CD276: variants seen among roughly 807,000 people sequenced by gnomAD.
CD276 encodes the protein CD276 molecule.
In CD276, 34 loss-of-function variants were observed where a neutral mutation model predicts 50.0. That is an observed-to-expected ratio of 0.68 (90% CI 0.52 to 0.91). The LOEUF (loss-of-function observed/expected upper bound fraction) is 0.91, where lower values mean the gene tolerates loss of function less well. CD276 is among the 40% of genes least tolerant of loss of function. The pLI, the probability that CD276 is intolerant of heterozygous loss-of-function variation, is 0.00. For missense variants in CD276, 634 were observed against 717.5 expected (o/e 0.88, Z 1.33); for synonymous variants, 275 against 313.0 (o/e 0.88, Z 1.28).
At position 73,709,664 on chromosome 15, in the gene CD276, T is replaced by C; in HGVS notation, c.1521T>C (p.Asp507=). ...EEENAGAEDQ[D]GEGEGSKTAL... ...CCTTTGCAGGAGCTGAGGACCAGGA[T>C]GGGGAGGGAGAAGGCTCCAAGACAG... The change falls in exon 8 of 10, where the codon GAT becomes GAC. Residue 507 remains aspartate (D), a synonymous_variant. Transcript: ENST00000318443. 6.2e-7 allele frequency: 1 copy of C among 1,612,970 alleles called. No individual in the cohort carries two copies. The highest frequency in any genetic ancestry group is 8.5e-7 in the Non-Finnish European group (1 of 1,179,662).
At chr15:73,691,354 AT>A (rs1252853736) in intron 1 of CD276, among the ~76,000 whole-genome samples, 1 of 151,996 alleles carries the variant, frequency 6.6e-6, no homozygotes, top group Non-Finnish European at 1.5e-5. Context: ...GCCTCTGTTC[AT>A]TTGTTTGGAT....
intron 8 of CD276, among the ~76,000 whole-genome samples, chr15:73,710,564 G>A (rs370120436): frequency 2.6e-5 from 4 of 152,348 alleles, no homozygotes; most frequent in South Asian, 2.1e-4. Flanking sequence ...CCCCACCCCC[G>A]CAGAAGGAAG....
chr15:73,699,634 A>G lies in CD276; in HGVS notation c.-6A>G, dbSNP rs1253236351. On this transcript the variant is annotated 5_prime_UTR_variant, in exon 2 of 10. Coordinates refer to ENST00000318443, the MANE Select transcript of CD276 (RefSeq NM_001024736.2). Reference sequence around the variant, plus strand: ...GGAGCCCAGCTGTCAGCCGCCTCACAGGAAGATGCTGCGTCGGCGGGGCAG... The same window carrying G: ...GGAGCCCAGCTGTCAGCCGCCTCACGGGAAGATGCTGCGTCGGCGGGGCAG... 4 of 1,613,622 alleles carry G rather than the reference A, an allele frequency of 2.5e-6. No individual in the cohort carries two copies. In the African/African-American group the frequency reaches 5.3e-5, roughly 22 times the overall value.
In CD276 at chr15:73,704,041, A is replaced by G. The variant is rs756829950; in HGVS notation, c.1072+44A>G. On this transcript the variant is annotated intron_variant, in intron 5 of 9. Coordinates refer to ENST00000318443, the MANE Select transcript of CD276 (RefSeq NM_001024736.2). The surrounding 1 kb of genome is among the most constrained non-coding windows in gnomAD (Gnocchi z 4.1). Reference sequence around the variant, plus strand: ...ACGCCTTCCCCTTGGTTCACCCTCCATTCCCTCTGCAGCCCACCCTCTGCT... The same window carrying G: ...ACGCCTTCCCCTTGGTTCACCCTCCGTTCCCTCTGCAGCCCACCCTCTGCT... 2 of 1,583,836 alleles carry G rather than the reference A, an allele frequency of 1.3e-6. No homozygotes were observed. The highest frequency in any genetic ancestry group is 2.3e-5 in the South Asian group (2 of 85,742).
chr15:73,687,616 G>A lies in CD276; in HGVS notation c.-55+3156G>A, dbSNP rs1324585990. 6.6e-6 allele frequency among the ~76,000 whole-genome samples: 1 copy of A among 152,176 alleles called. No homozygotes were observed. The highest frequency in any genetic ancestry group is 1.5e-5 in the Non-Finnish European group (1 of 68,038). On this transcript the variant is annotated intron_variant, in intron 1 of 9. Transcript: ENST00000318443. The surrounding 1 kb of genome is among the most constrained non-coding windows in gnomAD (Gnocchi z 4.0). ...TTGCTGAGAGTTCTTCTCTTCCAGA[G>A]CCCTGGACTTTATCATGCTGGGGCT...
At chr15:73,689,057 G>A (rs1446076777) in intron 1 of CD276, among the ~76,000 whole-genome samples, 1 of 152,072 alleles carries the variant, frequency 6.6e-6, no homozygotes, top group African/African-American at 2.4e-5. Flanking sequence ...CGAAATCTGC[G>A]CTCTGATGTG....
Position 73,704,991 on chromosome 15 carries a change from C to T in CD276, c.1369+519C>T, listed in dbSNP as rs1251409999. On this transcript the variant is annotated intron_variant, in intron 6 of 9. Transcript: ENST00000318443. This position sits in a 1 kb window ranked among gnomAD's most constrained non-coding sequence, Gnocchi z 4.1. ...ATGGGCAGGGGCTGTCTCTGCTGCC[C>T]CCGTGTGGTCAAACACCAGATAGAG... 1.3e-5 allele frequency among the ~76,000 whole-genome samples: 2 copies of T among 152,218 alleles called. No individual in the cohort carries two copies. Among genetic ancestry groups the T allele is most frequent in the African/African-American group, 4.8e-5 (2 of 41,448 alleles).
chr15:73,696,855 C>T (rs1900198389), intron 1 of CD276, among the ~76,000 whole-genome samples: 1 of 152,018 alleles, frequency 6.6e-6, no homozygotes, highest in Admixed American at 6.5e-5. Flanking sequence ...AGAGAAGGCA[C>T]CTTAGAGAAT....
chr15:73,693,809 C>T (rs1013760904), intron 1 of CD276, among the ~76,000 whole-genome samples: 4 of 148,890 alleles, frequency 2.7e-5, no homozygotes, highest in Non-Finnish European at 5.9e-5. Flanking sequence ...AGCTTCTCAC[C>T]GATGAACGCT....
chr15:73,708,548 A>ATT, intron 7 of CD276, 75 bp downstream of exon 7: 1 of 1,500,438 alleles, frequency 6.7e-7, no homozygotes, highest in Non-Finnish European at 9.0e-7. Context: ...CTTTGATGTC[A>ATT]ATAGAGTGTC....
chr15:73,696,280 G>C (rs1386699022), intron 1 of CD276, among the ~76,000 whole-genome samples: 1 of 152,096 alleles, frequency 6.6e-6, no homozygotes, highest in African/African-American at 2.4e-5. Flanking sequence ...CATGGGTGGA[G>C]GGGGTGGTAC....
In CD276 at chr15:73,698,897, G is replaced by C. The variant is rs1461167445; in HGVS notation, c.-54-689G>C. 3.3e-5 allele frequency among the ~76,000 whole-genome samples: 5 copies of C among 152,168 alleles called. No individual in the cohort carries two copies. The East Asian group carries it at 7.7e-4, about 23-fold the overall frequency. On this transcript the variant is annotated intron_variant, in intron 1 of 9. Transcript: ENST00000318443. ...TCTTAACTGGCCTCTCCCTTGCCCT[G>C]ATACAATCCAGTCTATGCTGAGGAG... is the stretch of plus-strand genomic sequence containing the variant.
In CD276 at chr15:73,704,059, C is replaced by A; in HGVS notation, c.1072+62C>A. ...ACCCTCCATTCCCTCTGCAGCCCACCCTCTGCTGCACCACTGCTCCCAGAA... is the reference window on the plus strand; with the variant it reads ...ACCCTCCATTCCCTCTGCAGCCCACACTCTGCTGCACCACTGCTCCCAGAA... On this transcript the variant is annotated intron_variant, in intron 5 of 9. Coordinates refer to ENST00000318443, the MANE Select transcript of CD276 (RefSeq NM_001024736.2). This position sits in a 1 kb window ranked among gnomAD's most constrained non-coding sequence, Gnocchi z 4.1. The A allele has an allele frequency of 6.4e-7, 1 of 1,568,376 alleles. No homozygotes were observed. The highest frequency in any genetic ancestry group is 8.6e-7 in the Non-Finnish European group (1 of 1,157,202).
intron 2 of CD276, among the ~76,000 whole-genome samples, chr15:73,701,794 A>T (rs1900399721): frequency 6.6e-6 from 1 of 152,204 alleles, no homozygotes; most frequent in Non-Finnish European, 1.5e-5. Flanking sequence ...ACCACTATTG[A>T]CATTTTTGGT....
intron 7 of CD276, 119 bp downstream of exon 7, chr15:73,708,592 G>C: frequency 8.2e-7 from 1 of 1,214,292 alleles, no homozygotes; most frequent in Non-Finnish European, 1.1e-6. Context: ...TGTGTGTGCA[G>C]ATGGGGCTGG....
intron 2 of CD276, among the ~76,000 whole-genome samples, chr15:73,700,922 G>A (rs1456749861): frequency 5.0e-4 from 1 of 1,990 alleles, no homozygotes; most frequent in Non-Finnish European, 8.9e-4. Context: ...TTTTTTTTTT[G>A]AGATGGGGTC....
In CD276 at chr15:73,703,601, G is replaced by T. The variant is rs571610905; in HGVS notation, c.734-58G>T. 120 of 1,349,484 alleles carry T rather than the reference G, an allele frequency of 8.9e-5. No homozygotes were observed. In the African/African-American group the frequency reaches 1.5e-3, roughly 17 times the overall value. 83.6% of individuals were successfully genotyped at this position (1,349,484 alleles called of 1,614,324 possible). A position where few individuals can be genotyped will look rare whatever the true frequency, so the allele number is the denominator to read the frequency against. On this transcript the variant is annotated intron_variant, in intron 4 of 9. Coordinates refer to ENST00000318443, the MANE Select transcript of CD276 (RefSeq NM_001024736.2). Reference sequence around the variant, plus strand: ...GGGGAAGAGTTTGGGGGACTCGGGTGGTAGCCTAGAGAGTCCCATTTCTCC... The same window carrying T: ...GGGGAAGAGTTTGGGGGACTCGGGTTGTAGCCTAGAGAGTCCCATTTCTCC...
intron 9 of CD276, chr15:73,712,154 CA>C (rs386383477): frequency 0.025 from 2,410 of 95,830 alleles, 30 homozygotes; most frequent in Middle Eastern, 0.09. Flanking sequence ...GATTCCATCT[CA>C]AAAAAAAAAA....
intron 6 of CD276, among the ~76,000 whole-genome samples, chr15:73,705,064 C>G (rs1475447226): frequency 6.6e-6 from 1 of 152,176 alleles, no homozygotes; most frequent in Non-Finnish European, 1.5e-5. Context: ...GTTCTAGCCT[C>G]GTGGGCACCT....
Sources: allele counts gnomAD v4.1 joint callset (sites outside exome capture counted in the v4.1 genomes callset), GRCh38; gene constraint gnomAD v4.1.1; non-coding constraint Gnocchi (gnomAD v3.1); transcripts MANE v1.5; gene names NCBI Gene and HGNC (gene_info 2026-07-23, HGNC 2026-07-21).